Variants in RPS6KC1 observed in about 807,000 individuals in gnomAD.
RPS6KC1 encodes the protein ribosomal protein S6 kinase C1.
In RPS6KC1, 54 loss-of-function variants were observed where a neutral mutation model predicts 103.8. That is an observed-to-expected ratio of 0.52 (90% CI 0.42 to 0.65). The LOEUF (loss-of-function observed/expected upper bound fraction) is 0.65. Ranked by LOEUF, RPS6KC1 falls within the 30% of genes least tolerant of loss-of-function variation. The pLI is 0.00. For missense variants in RPS6KC1, 1,151 were observed against 1,253.8 expected (o/e 0.92, Z 1.24); for synonymous variants, 439 against 438.7 (o/e 1.00, Z -0.01).
intron 12 of RPS6KC1, among the ~76,000 whole-genome samples, chr1:213,259,734 A>ATTTTTTTTTTTTTTTTTTTTTTTTT (rs71147063): frequency 1.0e-5 from 1 of 97,918 alleles, no homozygotes; most frequent in Non-Finnish European, 1.9e-5. Context: ...TGTTTTTTTA[A>ATTTTTTTTTTTTTTTTTTTTTTTTT]TTTTTTTTTT....
the RPS6KC1 span, among the ~76,000 whole-genome samples, chr1:213,464,407 A>T: frequency 6.6e-6 from 1 of 152,196 alleles, no homozygotes; most frequent in Non-Finnish European, 1.5e-5. Flanking sequence ...AACATTTTAC[A>T]TAGAATTCTC....
At chr1:213,201,377 T>A (rs1166462574) in intron 8 of RPS6KC1, among the ~76,000 whole-genome samples, 2 of 152,218 alleles carry the variant, frequency 1.3e-5, no homozygotes, top group East Asian at 3.8e-4. Context: ...ATTATATAAT[T>A]CCAATTGTAT....
At chr1:213,814,724 C>A in the RPS6KC1 span, among the ~76,000 whole-genome samples, 1 of 152,132 alleles carries the variant, frequency 6.6e-6, no homozygotes, top group Non-Finnish European at 1.5e-5. Context: ...TACAATGTAG[C>A]CTAGAATTTG....
At chr1:213,601,373 T>G in the RPS6KC1 span, among the ~76,000 whole-genome samples, 3 of 147,930 alleles carry the variant, frequency 2.0e-5, no homozygotes, top group Non-Finnish European at 4.5e-5. Context: ...ATAAACATAT[T>G]TAAATATATT....
intron 6 of RPS6KC1, among the ~76,000 whole-genome samples, chr1:213,152,095 G>A (rs2089147965): frequency 7.0e-6 from 1 of 142,410 alleles, no homozygotes; most frequent in African/African-American, 2.7e-5. Flanking sequence ...CGGCTGGCTG[G>A]GCAGAGGGGC....
At chr1:213,239,891 A>C (rs2094311812) in intron 10 of RPS6KC1, among the ~76,000 whole-genome samples, 1 of 152,144 alleles carries the variant, frequency 6.6e-6, no homozygotes, top group Non-Finnish European at 1.5e-5. Flanking sequence ...TAATTGACAA[A>C]GGGATTGAGG....
chr1:213,233,944 A>G (rs2094161672), intron 10 of RPS6KC1, among the ~76,000 whole-genome samples: 1 of 152,004 alleles, frequency 6.6e-6, no homozygotes, highest in Non-Finnish European at 1.5e-5. Flanking sequence ...ATATTCAGCA[A>G]ATTTATTGAG....
At chr1:213,742,475 G>A in the RPS6KC1 span, among the ~76,000 whole-genome samples, 9 of 152,294 alleles carry the variant, frequency 5.9e-5, no homozygotes, top group African/African-American at 1.4e-4. Flanking sequence ...AGAGGAGGAC[G>A]GGGGAACATT....
chr1:213,213,836 C>G (rs1275250440), intron 8 of RPS6KC1, among the ~76,000 whole-genome samples: 1 of 152,224 alleles, frequency 6.6e-6, no homozygotes, highest in African/African-American at 2.4e-5. Context: ...AGCATTTGCT[C>G]TGTTTTCAGC....
chr1:213,140,649 C>G (rs1046736211), intron 6 of RPS6KC1, among the ~76,000 whole-genome samples: 3 of 152,040 alleles, frequency 2.0e-5, no homozygotes, highest in Non-Finnish European at 4.4e-5. Flanking sequence ...TATTGATTTG[C>G]ATCTGTTGAA....
chr1:213,366,556 T>C, the RPS6KC1 span, among the ~76,000 whole-genome samples: 1 of 152,236 alleles, frequency 6.6e-6, no homozygotes, highest in African/African-American at 2.4e-5. Flanking sequence ...ACTCTCGTTG[T>C]AGCACAAAAG....
chr1:213,305,434 T>C, the RPS6KC1 span, among the ~76,000 whole-genome samples: 1 of 152,224 alleles, frequency 6.6e-6, no homozygotes, highest in African/African-American at 2.4e-5. Flanking sequence ...CTTAAGACTC[T>C]TGCTGTATAT....
chr1:213,433,864 T>C, the RPS6KC1 span, among the ~76,000 whole-genome samples: 1 of 152,350 alleles, frequency 6.6e-6, no homozygotes, highest in East Asian at 1.9e-4. Flanking sequence ...TTATCAGATA[T>C]ATGACTTACA....
Position 213,147,469 on chromosome 1 carries a change from A to G in RPS6KC1, c.835+17580A>G, listed in dbSNP as rs145036644. Among the ~76,000 whole-genome samples the G allele has an allele frequency of 3.5e-4, 54 of 152,172 alleles. 2 individuals are homozygous for G. The East Asian group carries it at 0.01, about 29-fold the overall frequency. ...GAAGAAACTGTCTTTTCTTCAGTGT[A>G]TGTTCTTGGCACCTTTGTCGAAAAT... is the stretch of plus-strand genomic sequence containing the variant. On this transcript the variant is annotated intron_variant, in intron 6 of 14. Coordinates refer to ENST00000366960, the MANE Select transcript of RPS6KC1 (RefSeq NM_012424.6).
the RPS6KC1 span, among the ~76,000 whole-genome samples, chr1:213,857,149 G>A: frequency 6.6e-6 from 1 of 152,138 alleles, no homozygotes; most frequent in African/African-American, 2.4e-5. Flanking sequence ...TTGACCCAAA[G>A]GAGTGTTTTG....
chr1:213,858,898 A>G, the RPS6KC1 span, among the ~76,000 whole-genome samples: 1 of 152,320 alleles, frequency 6.6e-6, no homozygotes, highest in South Asian at 2.1e-4. Context: ...CAAAGGTTAA[A>G]TGTGGAGCAA....
At chr1:213,590,173 T>C in the RPS6KC1 span, among the ~76,000 whole-genome samples, 2 of 152,160 alleles carry the variant, frequency 1.3e-5, no homozygotes, top group African/African-American at 4.8e-5. Context: ...ATGTAAAATA[T>C]AGAAGAGCAA....
the RPS6KC1 span, among the ~76,000 whole-genome samples, chr1:213,649,999 T>A: frequency 6.6e-6 from 1 of 152,158 alleles, no homozygotes; most frequent in African/African-American, 2.4e-5. Flanking sequence ...GAGTAGGTAT[T>A]ATGACCCCTG....
chr1:213,656,056 G>T, the RPS6KC1 span, among the ~76,000 whole-genome samples: 1 of 152,114 alleles, frequency 6.6e-6, no homozygotes, highest in Non-Finnish European at 1.5e-5. Flanking sequence ...TTCCTGCCAG[G>T]CATTACTGTA....
Sources: gnomAD v4.1 joint callset for allele counts (sites outside exome capture counted in the v4.1 genomes callset) on GRCh38, gnomAD v4.1.1 for gene constraint, MANE v1.5 for transcripts, NCBI Gene and HGNC (gene_info 2026-07-23, HGNC 2026-07-21) for gene names.